The following PRR16 variants were observed in gnomAD, a reference collection of about 807,000 sequenced individuals.
PRR16 encodes protein Largen.
In PRR16, 6 loss-of-function variants were observed where a neutral mutation model predicts 18.2. That is an observed-to-expected ratio of 0.33 (90% CI 0.18 to 0.65). The LOEUF is 0.65. Among genes scored for constraint, PRR16 ranks in the 30% least tolerant of loss-of-function variants. The pLI is 0.74. For synonymous variants in PRR16, 151 were observed against 147.8 expected (o/e 1.02, Z -0.16); for missense variants, 412 against 376.6 (o/e 1.09, Z -0.78).
chr5:120,716,050 A>G, the PRR16 span, among the ~76,000 whole-genome samples: 1 of 152,184 alleles, frequency 6.6e-6, no homozygotes, highest in African/African-American at 2.4e-5. Flanking sequence ...TCTAAACAGC[A>G]GCAACAACAA....
chr5:120,696,722 T>C, the PRR16 span, among the ~76,000 whole-genome samples: 11 of 152,146 alleles, frequency 7.2e-5, no homozygotes, highest in African/African-American at 2.2e-4. Flanking sequence ...GAGCTAATGA[T>C]GTAAAATGCT....
chr5:120,766,332 ATTTTTC>A, the PRR16 span, among the ~76,000 whole-genome samples: 2 of 151,746 alleles, frequency 1.3e-5, no homozygotes, highest in East Asian at 1.9e-4. Context: ...TTTAATTTTC[ATTTTTC>A]TTTTTCTTAA....
At chr5:120,779,665 C>T in the PRR16 span, among the ~76,000 whole-genome samples, 136 of 152,016 alleles carry the variant, frequency 8.9e-4, no homozygotes, top group South Asian at 1.7e-3. Flanking sequence ...TTGTATTACC[C>T]CAAAATAATT....
At chr5:120,782,487 C>A in the PRR16 span, among the ~76,000 whole-genome samples, 1 of 152,124 alleles carries the variant, frequency 6.6e-6, no homozygotes, top group Non-Finnish European at 1.5e-5. Context: ...CGCTTCCCCT[C>A]GGGGTTGGTT....
At chr5:120,689,442 T>TAC (rs1403550496), downstream of PRR16, among the ~76,000 whole-genome samples, 2 of 152,202 alleles carry the variant, frequency 1.3e-5, no homozygotes, top group Non-Finnish European at 2.9e-5. Context: ...GTGCAAGCTC[T>TAC]ACACATCATC....
chr5:120,514,026 G>C (rs988594388), intron 1 of PRR16, among the ~76,000 whole-genome samples: 5 of 152,100 alleles, frequency 3.3e-5, no homozygotes, highest in African/African-American at 1.2e-4. Flanking sequence ...CCAAAGTGCT[G>C]GGATTGCAGA....
chr5:120,725,015 A>G, the PRR16 span, among the ~76,000 whole-genome samples: 5 of 152,094 alleles, frequency 3.3e-5, no homozygotes, highest in Non-Finnish European at 7.4e-5. Context: ...TTTTATCTTG[A>G]AAAAGATTAT....
the PRR16 span, among the ~76,000 whole-genome samples, chr5:120,768,235 G>GTGAT: frequency 6.6e-6 from 1 of 151,646 alleles, no homozygotes; most frequent in Admixed American, 6.6e-5. Flanking sequence ...CTTGTTTTCA[G>GTGAT]TGATTGTAGA....
At chr5:120,785,082 C>G in the PRR16 span, among the ~76,000 whole-genome samples, 1 of 152,198 alleles carries the variant, frequency 6.6e-6, no homozygotes, top group African/African-American at 2.4e-5. Flanking sequence ...CTCAACTGAA[C>G]AATCTCACAT....
chr5:120,531,742 G>A (rs1174032654), intron 1 of PRR16, among the ~76,000 whole-genome samples: 1 of 151,774 alleles, frequency 6.6e-6, no homozygotes, highest in Non-Finnish European at 1.5e-5. Context: ...AAGAACACAA[G>A]CAAAAATCAC....
At chr5:120,610,025 G>T (rs78889078) in intron 1 of PRR16, among the ~76,000 whole-genome samples, 2,473 of 152,214 alleles carry the variant, frequency 0.016, 73 homozygotes, top group African/African-American at 0.057. Flanking sequence ...TCTAATCCCA[G>T]TTTTGTGTGG....
chr5:120,665,618 T>G (rs1246907363), intron 1 of PRR16, among the ~76,000 whole-genome samples: 2 of 152,176 alleles, frequency 1.3e-5, no homozygotes, highest in Non-Finnish European at 2.9e-5. Context: ...TTAATCCATC[T>G]CGAATTAATT....
At chr5:120,741,821 C>T in the PRR16 span, among the ~76,000 whole-genome samples, 2 of 151,968 alleles carry the variant, frequency 1.3e-5, no homozygotes, top group Non-Finnish European at 2.9e-5. Context: ...GGCTGGTCCC[C>T]AGCTCTTGAC....
At chr5:120,502,657 G>T (rs776254237) in intron 1 of PRR16, among the ~76,000 whole-genome samples, 10 of 152,054 alleles carry the variant, frequency 6.6e-5, no homozygotes, top group Non-Finnish European at 1.3e-4. Context: ...CTAACCTTGG[G>T]CAAATCTTTT....
chr5:120,569,281 C>T (rs922216862), intron 1 of PRR16, among the ~76,000 whole-genome samples: 1 of 152,072 alleles, frequency 6.6e-6, no homozygotes, highest in African/African-American at 2.4e-5. Context: ...CTTGTAAAAA[C>T]TTATAAAACT....
At chr5:120,705,742 A>G in the PRR16 span, among the ~76,000 whole-genome samples, 24 of 152,262 alleles carry the variant, frequency 1.6e-4, no homozygotes, top group Non-Finnish European at 4.4e-5. Flanking sequence ...GAAAGATAGT[A>G]AGTGTAAACA....
intron 1 of PRR16, among the ~76,000 whole-genome samples, chr5:120,581,018 G>C (rs1324095484): frequency 1.3e-5 from 2 of 152,152 alleles, no homozygotes; most frequent in African/African-American, 4.8e-5. Flanking sequence ...TTTAGTATCA[G>C]GGTGATGCTG....
intron 1 of PRR16, among the ~76,000 whole-genome samples, chr5:120,505,919 GAT>G (rs1341092737): frequency 4.8e-5 from 7 of 145,160 alleles, no homozygotes; most frequent in African/African-American, 7.7e-5. Flanking sequence ...ACATAGGGAT[GAT>G]ATATATGTGT....
At chr5:120,678,771 C>T (rs1756885152) in intron 1 of PRR16, among the ~76,000 whole-genome samples, 1 of 152,104 alleles carries the variant, frequency 6.6e-6, no homozygotes, top group Admixed American at 6.5e-5. Context: ...ATTTGGATTC[C>T]TTTTATTTCT....
Sources: gnomAD v4.1 joint callset for allele counts (sites outside exome capture counted in the v4.1 genomes callset) on GRCh38, gnomAD v4.1.1 for gene constraint, MANE v1.5 for transcripts, NCBI Gene and HGNC (gene_info 2026-07-23, HGNC 2026-07-21) for gene names.